Variants in DPP6 observed in about 807,000 individuals in gnomAD.
DPP6 encodes the protein dipeptidyl peptidase like 6.
Under a neutral mutation model 122.6 loss-of-function variants are expected in DPP6, and 69 were observed. The observed-to-expected ratio is 0.56, with a 90% confidence interval of 0.46 to 0.69. The LOEUF (loss-of-function observed/expected upper bound fraction) is 0.69, where lower values mean the gene tolerates loss of function less well. Ranked by LOEUF, DPP6 falls within the 30% of genes least tolerant of loss-of-function variation. The pLI is 0.00. For synonymous variants in DPP6, 418 were observed against 433.1 expected (o/e 0.97, Z 0.43); for missense variants, 928 against 1,116.9 (o/e 0.83, Z 2.41).
Position 154,566,851 on chromosome 7 carries a change from A to G in DPP6, c.562A>G (p.Arg188Gly), listed in dbSNP as rs759291441. 15 of 1,587,962 alleles carry G rather than the reference A, an allele frequency of 9.4e-6. No homozygotes were observed. The highest frequency in any genetic ancestry group is 9.5e-6 in the Non-Finnish European group (11 of 1,160,224). ...CTATTTTTTCTTTTAGGAATCATTA[A>G]GAGCCATCAGATATGAAATATCTCC... ...LIEGKKIESLRAIRYEISPDR... is the reference protein window; with the variant it reads ...LIEGKKIESLGAIRYEISPDR... Residue 188 changes from arginine to glycine, a missense_variant, in exon 5 of 26, where the codon AGA becomes GGA. By Grantham distance (125) the Arg-to-Gly change is moderately radical. Transcript: ENST00000377770.
chr7:154,677,388 G>A (rs537238506), intron 7 of DPP6, among the ~76,000 whole-genome samples: 47 of 149,276 alleles, frequency 3.1e-4, no homozygotes, highest in South Asian at 1.3e-3. Context: ...TTGGAGTTGA[G>A]GGGTTTTTTT....
At chr7:153,857,173 G>A in the DPP6 span, among the ~76,000 whole-genome samples, 1 of 152,032 alleles carries the variant, frequency 6.6e-6, no homozygotes, top group Non-Finnish European at 1.5e-5. Flanking sequence ...ACATTTTTAG[G>A]TCACAATCTG....
intron 10 of DPP6, among the ~76,000 whole-genome samples, chr7:154,776,319 G>A (rs1177323451): frequency 6.6e-6 from 1 of 151,832 alleles, no homozygotes; most frequent in East Asian, 1.9e-4. Flanking sequence ...CCCTCACATC[G>A]GCTGGGTCAC....
At chr7:154,211,640 A>G (rs1323142213) in intron 1 of DPP6, among the ~76,000 whole-genome samples, 1 of 152,180 alleles carries the variant, frequency 6.6e-6, no homozygotes. Flanking sequence ...AGATAATCCC[A>G]GGGCCCAATC....
chr7:153,822,743 T>G, the DPP6 span, among the ~76,000 whole-genome samples: 2 of 152,236 alleles, frequency 1.3e-5, no homozygotes, highest in African/African-American at 4.8e-5. Context: ...ATTGTTTACA[T>G]GCATTTAGCT....
chr7:154,716,300 C>T (rs1841479303), intron 7 of DPP6, among the ~76,000 whole-genome samples: 2 of 152,180 alleles, frequency 1.3e-5, no homozygotes, highest in Non-Finnish European at 2.9e-5. Flanking sequence ...ACAAGGCTTC[C>T]CATAGCCTGA....
intron 1 of DPP6, among the ~76,000 whole-genome samples, chr7:154,128,700 T>TA (rs1808129721): frequency 1.6e-5 from 2 of 122,676 alleles, no homozygotes; most frequent in Non-Finnish European, 4.0e-5. Flanking sequence ...AAGACTATTT[T>TA]TAAAAAATAC....
chr7:154,023,357 C>CACACACAT (rs1563109429), intron 1 of DPP6, among the ~76,000 whole-genome samples: 17 of 150,968 alleles, frequency 1.1e-4, no homozygotes, highest in African/African-American at 3.9e-4. Context: ...CACACACACA[C>CACACACAT]ACACTTCTTA....
intron 1 of DPP6, among the ~76,000 whole-genome samples, chr7:153,937,839 A>C (rs1801527290): frequency 6.6e-6 from 1 of 152,198 alleles, no homozygotes; most frequent in Admixed American, 6.5e-5. Flanking sequence ...GCCCTAGGAC[A>C]GGTCCTGGAG....
intron 5 of DPP6, among the ~76,000 whole-genome samples, chr7:154,617,058 A>G (rs1834307770): frequency 6.6e-6 from 1 of 152,126 alleles, no homozygotes; most frequent in East Asian, 1.9e-4. Context: ...CTCCATATGA[A>G]TGCATCTTGG....
chr7:154,705,546 G>A (rs1430943629), intron 7 of DPP6, among the ~76,000 whole-genome samples: 2 of 152,202 alleles, frequency 1.3e-5, no homozygotes, highest in African/African-American at 4.8e-5. Context: ...CTCCAGGAAA[G>A]GCATGAGAAT....
rs545490159 is a variant in DPP6 at position 154,073,855 on chromosome 7, G to T, written c.243+20792G>T. 4.6e-5 allele frequency among the ~76,000 whole-genome samples: 7 copies of T among 152,270 alleles called. No individual in the cohort carries two copies. The South Asian group carries it at 1.5e-3, about 32-fold the overall frequency. On this transcript the variant is annotated intron_variant, in intron 1 of 25. Coordinates refer to ENST00000377770, the MANE Select transcript of DPP6 (RefSeq NM_130797.4). ...CAAAAAATTAGCTGGGTCTAGTGAT[G>T]GGTGCCTGTAATCCCAGCTACTCGG...
chr7:153,769,986 C>G, the DPP6 span, among the ~76,000 whole-genome samples: 1 of 152,114 alleles, frequency 6.6e-6, no homozygotes, highest in Non-Finnish European at 1.5e-5. Flanking sequence ...GGTTCATATT[C>G]TCTTGAAGAC....
In DPP6 at chr7:154,423,361, C is replaced by T. The variant is rs1012291986; in HGVS notation, c.244-22853C>T. Among the ~76,000 whole-genome samples the T allele has an allele frequency of 3.2e-4, 49 of 152,160 alleles. 1 individual carries two copies. The highest frequency in any genetic ancestry group is 1.2e-3 in the African/African-American group (48 of 41,504). On this transcript the variant is annotated intron_variant, in intron 1 of 25. Coordinates refer to ENST00000377770, the MANE Select transcript of DPP6 (RefSeq NM_130797.4). ...GCAATTATGGAAGTTAGGATTCCATCCTCCCACAGAGACCAGACACAGAGG... is the reference window on the plus strand; with the variant it reads ...GCAATTATGGAAGTTAGGATTCCATTCTCCCACAGAGACCAGACACAGAGG...
intron 1 of DPP6, among the ~76,000 whole-genome samples, chr7:154,065,831 TG>T (rs1802676641): frequency 6.6e-6 from 1 of 151,962 alleles, no homozygotes; most frequent in Admixed American, 6.6e-5. Context: ...GGCAAGTTCC[TG>T]GGGGCCAAGG....
chr7:154,054,656 A>G (rs1353531400), intron 1 of DPP6, among the ~76,000 whole-genome samples: 1 of 151,984 alleles, frequency 6.6e-6, no homozygotes, highest in Non-Finnish European at 1.5e-5. Flanking sequence ...ATCTGGTTCA[A>G]GTCTTTGGCA....
chr7:154,300,076 G>A (rs1265538148), intron 1 of DPP6, among the ~76,000 whole-genome samples: 2 of 152,224 alleles, frequency 1.3e-5, no homozygotes, highest in Non-Finnish European at 2.9e-5. Context: ...TGTCAGGCTG[G>A]TTGCAGGTAT....
chr7:154,401,584 A>T (rs1815602688), intron 1 of DPP6, among the ~76,000 whole-genome samples: 2 of 152,170 alleles, frequency 1.3e-5, no homozygotes, highest in Non-Finnish European at 2.9e-5. Context: ...TACACCTTAT[A>T]CAAAAATCAA....
intron 1 of DPP6, among the ~76,000 whole-genome samples, chr7:154,318,103 T>C (rs4401764): frequency 0.59 from 89,194 of 152,106 alleles, 26,645 homozygotes; most frequent in South Asian, 0.67. Flanking sequence ...AATTCCTAAT[T>C]ACACTGGAGA....
Sources: allele counts gnomAD v4.1 joint callset (sites outside exome capture counted in the v4.1 genomes callset), GRCh38; gene constraint gnomAD v4.1.1; transcripts MANE v1.5; gene names NCBI Gene and HGNC (gene_info 2026-07-23, HGNC 2026-07-21).